Variants in DHX38 observed in about 807,000 individuals in gnomAD.
The protein encoded by DHX38 is pre-mRNA-splicing factor ATP-dependent RNA helicase PRP16.
DHX38 carries 100 observed loss-of-function variants against 153.1 expected under a neutral mutation model. The observed-to-expected ratio is 0.65, with a 90% CI of 0.56 to 0.77. DHX38 has a LOEUF of 0.77. DHX38 is among the 30% of genes least tolerant of loss of function. The pLI is 0.00. For missense variants in DHX38, 1,440 were observed against 1,654.0 expected, an observed-to-expected ratio of 0.87 and a Z score of 2.24; for synonymous variants, 650 against 631.7, an observed-to-expected ratio of 1.03 and a Z score of -0.43.
rs374768272 is a variant in DHX38, at chr16:72,098,747, G to A, written c.719G>A (p.Arg240Gln). The A allele has an allele frequency of 2.4e-5, 39 of 1,614,080 alleles. No homozygotes were observed. Among genetic ancestry groups the A allele is most frequent in the Middle Eastern group, 1.6e-4 (1 of 6,084 alleles). Residue 240 changes from arginine to glutamine, a missense_variant, in exon 5 of 27, where the codon CGG (arginine) becomes CAG (glutamine). Transcript: ENST00000268482. ...WESPSPTPSY[R>Q]DSERSHRLST... ...TCGCCCTCCCCGACGCCTTCCTATC[G>A]GGATTCTGAGCGGAGCCATCGGCTG...
At chr16:72,099,315 C>T (rs1307479769) in intron 7 of DHX38, 35 bp downstream of exon 7, 1 of 1,546,262 alleles carries the variant, frequency 6.5e-7, no homozygotes, top group African/African-American at 1.4e-5. Flanking sequence ...CTGATCGGGG[C>T]TGGTGGCCGT....
chr16:72,097,099 A>G (rs1234483097), intron 3 of DHX38, 90 bp downstream of exon 3: 20 of 1,410,582 alleles, frequency 1.4e-5, no homozygotes, highest in Non-Finnish European at 1.8e-5. Context: ...TGCAACACCC[A>G]TTTGTTAGGG....
In DHX38 at chr16:72,099,395, A is replaced by G; in HGVS notation, c.960+115A>G. On this transcript the variant is annotated intron_variant, in intron 7 of 26. Coordinates refer to ENST00000268482, the MANE Select transcript of DHX38 (RefSeq NM_014003.4). The stretch of plus-strand genomic sequence containing the variant: ...TACACCTGAGCCCTGTTCAGACCCA[A>G]TGCCCTGGAGTCTCTTTGCAGAGGC... The G allele has an allele frequency of 4.1e-6, 4 of 966,084 alleles. No homozygotes were observed. In the South Asian group the frequency reaches 5.2e-5, roughly 12 times the overall value. 59.8% of individuals were successfully genotyped at this position (966,084 alleles called of 1,614,324 possible). A position where few individuals can be genotyped will look rare whatever the true frequency, so the allele number is the denominator to read the frequency against.
intron 25 of DHX38, 91 bp downstream of exon 25, chr16:72,109,601 C>CTG: frequency 8.5e-6 from 10 of 1,182,230 alleles, no homozygotes; most frequent in Non-Finnish European, 1.2e-5. Context: ...GTCATCCAAC[C>CTG]CACTTACTTC....
intron 9 of DHX38, 58 bp from the exon 10 acceptor site, chr16:72,101,028 T>C: frequency 2.6e-6 from 4 of 1,533,470 alleles, no homozygotes; most frequent in South Asian, 2.2e-5. Flanking sequence ...AGGGATCTTA[T>C]GAACATGGCC....
chr16:72,097,278 AG>A (rs2042034468), intron 3 of DHX38: 1 of 415,580 alleles, frequency 2.4e-6, no homozygotes. Context: ...AATATGTATA[AG>A]AGACCAGCAT....
intron 2 of DHX38, 34 bp from the exon 3 acceptor site, chr16:72,096,788 G>A (rs779959677): frequency 3.8e-6 from 6 of 1,589,124 alleles, no homozygotes; most frequent in Non-Finnish European, 5.1e-6. Flanking sequence ...TTCTCCTATG[G>A]AGGGGCCTTT....
At chr16:72,097,289 T>C in intron 3 of DHX38, 1 of 398,646 alleles carries the variant, frequency 2.5e-6, no homozygotes, top group Non-Finnish European at 4.5e-6. Flanking sequence ...GAGACCAGCA[T>C]TTCTAATAGT....
intron 23 of DHX38, 39 bp from the exon 24 acceptor site, chr16:72,108,761 G>A (rs1597448449): frequency 6.2e-7 from 1 of 1,605,848 alleles, no homozygotes; most frequent in Non-Finnish European, 8.5e-7. Flanking sequence ...AATGGGTGTT[G>A]TTTTCCTGAT....
rs1245729982 is a variant in DHX38 at position 72,112,856 on chromosome 16, T to C, written c.*359T>C. 2 of 701,348 alleles carry C rather than the reference T, an allele frequency of 2.9e-6. No homozygotes were observed. The highest frequency in any genetic ancestry group is 5.2e-6 in the Non-Finnish European group (2 of 384,510). The allele number at this position is 701,348 out of a possible 1,614,324, so 43.4% of individuals were successfully genotyped here. On this transcript the variant is annotated 3_prime_UTR_variant, in exon 27 of 27. Transcript: ENST00000268482. ...AGCAGCAAAAAAGACCTAAAGGGAA[T>C]TGTAATTTGGTTATAATTCAGGATT...
In DHX38 at chr16:72,099,220, C is replaced by T. The variant is rs761622109; in HGVS notation, c.900C>T (p.Gly300=). ...CTCCTCCAGGAAGACGTGAGGAGGG[C>T]GAAGAAGGAATTTCATTTGACACGG... ...LSRGRGRREE[G]EEGISFDTEE... is the part of the protein sequence containing the mutation. The change falls in exon 7 of 27, where the codon GGC becomes GGT. Residue 300 remains glycine (G), a synonymous_variant. Coordinates refer to ENST00000268482, the MANE Select transcript of DHX38 (RefSeq NM_014003.4). The T allele has an allele frequency of 4.2e-5, 68 of 1,611,666 alleles. No individual in the cohort carries two copies. The highest frequency in any genetic ancestry group is 1.0e-4 in the Admixed American group (6 of 59,830).
At chr16:72,096,750 G>C in intron 2 of DHX38, 72 bp from the exon 3 acceptor site, 1 of 1,529,764 alleles carries the variant, frequency 6.5e-7, no homozygotes, top group Non-Finnish European at 8.8e-7. Flanking sequence ...CACTTGTTTG[G>C]ACAGCCAAAG....
chr16:72,103,662 G>A lies in DHX38; in HGVS notation c.1698G>A (p.Thr566=), dbSNP rs2240243. Residue 566 remains threonine (T), a synonymous_variant, in exon 13 of 27, where the codon ACG becomes ACA. Coordinates refer to ENST00000268482, the MANE Select transcript of DHX38 (RefSeq NM_014003.4). The part of the protein sequence containing the change: ...ETGSGKTTQL[T]QYLHEDGYTD... ...GGAGTGGTAAGACCACTCAGCTGAC[G>A]CAGTACCTGCATGAAGATGGTTACA... The A allele has an allele frequency of 0.37, 599,498 of 1,613,492 alleles. 117,666 individuals carry two copies. The highest frequency in any genetic ancestry group is 0.71 in the African/African-American group (53,463 of 74,940).
Position 72,112,737 on chromosome 16 carries a change from G to C in DHX38, c.*240G>C. Reference sequence around the variant, plus strand: ...GTATCCGAGGTGCTGCCGGGGCAGCGGGAGGTGGCTGGACCCATCGCATCT... The same window carrying C: ...GTATCCGAGGTGCTGCCGGGGCAGCCGGAGGTGGCTGGACCCATCGCATCT... On this transcript the variant is annotated 3_prime_UTR_variant, in exon 27 of 27. Coordinates refer to ENST00000268482, the MANE Select transcript of DHX38 (RefSeq NM_014003.4). 1.4e-6 allele frequency: 1 copy of C among 704,670 alleles called. No individual in the cohort carries two copies. The highest frequency in any genetic ancestry group is 2.6e-6 in the Non-Finnish European group (1 of 386,648). The allele number at this position is 704,670 out of a possible 1,614,324, so 43.7% of individuals were successfully genotyped here. A position where few individuals can be genotyped will look rare whatever the true frequency, so the allele number is the denominator to read the frequency against.
chr16:72,107,261 C>A lies in DHX38; in HGVS notation c.2601-79C>A. On this transcript the variant is annotated intron_variant, in intron 19 of 26. Coordinates refer to ENST00000268482, the MANE Select transcript of DHX38 (RefSeq NM_014003.4). The surrounding 1 kb of genome is among the most constrained non-coding windows in gnomAD (Gnocchi z 5.3). ...TGGGGAGAAGAAATGAGAATTTCCT[C>A]CCTCCCTGTGGGATTTCATCTGTAC... 1 of 1,418,838 alleles carries A rather than the reference C, an allele frequency of 7.0e-7. No homozygotes were observed. The highest frequency in any genetic ancestry group is 9.5e-7 in the Non-Finnish European group (1 of 1,054,300). The allele number at this position is 1,418,838 out of a possible 1,614,324, so 87.9% of individuals were successfully genotyped here.
chr16:72,106,026 A>C lies in DHX38; in HGVS notation c.2509A>C (p.Met837Leu). The C allele has an allele frequency of 1.2e-6, 2 of 1,614,168 alleles. No individual in the cohort carries two copies. Among genetic ancestry groups the C allele is most frequent in the Non-Finnish European group, 1.7e-6 (2 of 1,180,022 alleles). Reference sequence around the variant, plus strand: ...CTAGGTCTTCAACCCCAGGATTGGCATGGATGCTCTGCAGATCTATCCCAT... The same window carrying C: ...CTAGGTCTTCAACCCCAGGATTGGCCTGGATGCTCTGCAGATCTATCCCAT... ...KLKVFNPRIG[M>L]DALQIYPISQ... The change falls in exon 19 of 27, where the codon ATG becomes CTG. Residue 837 changes from methionine to leucine, a missense_variant. Around this residue, in one of 6 missense-constraint regions of DHX38, gnomAD observed 543 missense variants for 717.9 expected, o/e 0.76. Transcript: ENST00000268482.
At chr16:72,105,715 G>C (rs893865776) in intron 18 of DHX38, 91 bp downstream of exon 18, 40 of 1,279,524 alleles carry the variant, frequency 3.1e-5, no homozygotes, top group Non-Finnish European at 4.2e-5. Context: ...TCCTGGCCCT[G>C]GGATGTGGGG....
At chr16:72,110,915 G>T in intron 25 of DHX38, 41 bp from the exon 26 acceptor site, 1 of 1,545,160 alleles carries the variant, frequency 6.5e-7, no homozygotes, top group South Asian at 1.2e-5. Context: ...CTTCCTTAGT[G>T]GTCCCCAGTA....
chr16:72,096,320 G>C lies in DHX38; in HGVS notation c.163G>C (p.Ala55Pro). The change falls in exon 2 of 27, where the codon GCT becomes CCT. Residue 55 changes from alanine (A) to proline (P), a missense_variant. By Grantham distance (27) the Ala-to-Pro change is conservative. Coordinates refer to ENST00000268482, the MANE Select transcript of DHX38 (RefSeq NM_014003.4). ...RPSLLGLDLL[A>P]SLKRREREEK... ...TTCATTACTCGGACTGGACTTGCTG[G>C]CTTCCCTGAAACGGAGAGAGCGAGA... The C allele has an allele frequency of 6.2e-7, 1 of 1,614,222 alleles. No homozygotes were observed. The highest frequency in any genetic ancestry group is 8.5e-7 in the Non-Finnish European group (1 of 1,180,034).
Sources: allele counts gnomAD v4.1 joint callset, GRCh38; gene constraint gnomAD v4.1.1; regional missense constraint gnomAD v4.1.1; non-coding constraint Gnocchi (gnomAD v3.1); transcripts MANE v1.5; gene names NCBI Gene and HGNC (gene_info 2026-07-23, HGNC 2026-07-21).